MGAT4A: variants seen among roughly 807,000 people sequenced by gnomAD.
MGAT4A encodes alpha-1,3-mannosyl-glycoprotein 4-beta-N-acetylglucosaminyltransferase A.
MGAT4A carries 33 observed loss-of-function variants against 74.1 expected under a neutral mutation model. The observed-to-expected ratio is 0.45, with a 90% CI of 0.34 to 0.60. MGAT4A has a LOEUF of 0.60. MGAT4A is among the 20% of genes least tolerant of loss of function. The pLI is 0.02. For missense variants in MGAT4A, 479 were observed against 628.3 expected (o/e 0.76, Z 2.54); for synonymous variants, 198 against 210.4 (o/e 0.94, Z 0.51).
At chr2:98,679,084 G>A (rs1169420121) in intron 2 of MGAT4A, among the ~76,000 whole-genome samples, 1 of 152,120 alleles carries the variant, frequency 6.6e-6, no homozygotes, top group African/African-American at 2.4e-5. Context: ...AGGCCAAGGT[G>A]GAGGATGGCT....
chr2:98,656,287 A>T, intron 7 of MGAT4A, 65 bp downstream of exon 7: 1 of 1,148,134 alleles, frequency 8.7e-7, no homozygotes, highest in Non-Finnish European at 1.3e-6. Flanking sequence ...TTCGATAAAT[A>T]AAAACTACAT....
chr2:98,689,607 G>A (rs565076028), intron 2 of MGAT4A, among the ~76,000 whole-genome samples: 1 of 152,288 alleles, frequency 6.6e-6, no homozygotes, highest in Admixed American at 6.5e-5. Flanking sequence ...TGGATCACTT[G>A]AGCTCAGAAG....
intron 2 of MGAT4A, among the ~76,000 whole-genome samples, chr2:98,699,920 T>C (rs1702327432): frequency 6.6e-6 from 1 of 152,142 alleles, no homozygotes; most frequent in Non-Finnish European, 1.5e-5. Flanking sequence ...GTAGAGCACA[T>C]GGCCCACCAC....
intron 14 of MGAT4A, among the ~76,000 whole-genome samples, chr2:98,627,226 TAA>T: frequency 6.6e-6 from 1 of 152,320 alleles, no homozygotes; most frequent in South Asian, 2.1e-4. Flanking sequence ...GAGAAATGTA[TAA>T]AGAGCTTGAT....
At position 98,622,892 on chromosome 2, in the gene MGAT4A, A is replaced by C; in HGVS notation, c.*2674T>G. On this transcript the variant is annotated 3_prime_UTR_variant, in exon 16 of 16. Transcript: ENST00000393487. ...AAGGGGGCTGGACATGGTGGCACACACCTATAATCCCAGCACTTTGGGAGG... is the reference window on the plus strand; with the variant it reads ...AAGGGGGCTGGACATGGTGGCACACCCCTATAATCCCAGCACTTTGGGAGG... The C allele has an allele frequency of 2.0e-6, 2 of 985,828 alleles. No homozygotes were observed. Among genetic ancestry groups the C allele is most frequent in the Non-Finnish European group, 2.4e-6 (2 of 830,264 alleles). The allele number at this position is 985,828 out of a possible 1,614,324, so 61.1% of individuals were successfully genotyped here. A position where few individuals can be genotyped will look rare whatever the true frequency, so the allele number is the denominator to read the frequency against.
intron 2 of MGAT4A, among the ~76,000 whole-genome samples, chr2:98,690,701 A>G (rs957911951): frequency 1.3e-5 from 2 of 152,242 alleles, no homozygotes; most frequent in Non-Finnish European, 2.9e-5. Flanking sequence ...AGATGTTGAA[A>G]TTACCTTGTA....
intron 4 of MGAT4A, among the ~76,000 whole-genome samples, chr2:98,668,859 G>C (rs367775004): frequency 1.3e-5 from 2 of 152,220 alleles, no homozygotes; most frequent in African/African-American, 4.8e-5. Context: ...GGAACTTTGA[G>C]ATTTCACTGC....
chr2:98,688,830 C>A (rs1039700927), intron 2 of MGAT4A, among the ~76,000 whole-genome samples: 3 of 152,120 alleles, frequency 2.0e-5, no homozygotes, highest in African/African-American at 7.2e-5. Context: ...TCCTAGCCCA[C>A]AGAAAATAAG....
Position 98,665,542 on chromosome 2 carries a change from A to C in MGAT4A, c.404-2363T>G, listed in dbSNP as rs11891148. ...TTGCTCTATGAGACTCCGTCCCCCC[A>C]AAAAAAGATATTTGCTCTATTTGTT... On this transcript the variant is annotated intron_variant, in intron 4 of 15. Transcript: ENST00000393487. Among the ~76,000 whole-genome samples the C allele has an allele frequency of 8.7e-3, 1,331 of 152,234 alleles. 22 individuals carry two copies. The highest frequency in any genetic ancestry group is 0.03 in the African/African-American group (1,246 of 41,544).
At chr2:98,676,362 AG>A in intron 3 of MGAT4A, among the ~76,000 whole-genome samples, 1 of 152,350 alleles carries the variant, frequency 6.6e-6, no homozygotes, top group African/African-American at 2.4e-5. Context: ...TATTCAAAAC[AG>A]CAGCAAAAAC....
At chr2:98,686,907 A>T (rs1160440048) in intron 2 of MGAT4A, among the ~76,000 whole-genome samples, 1 of 152,194 alleles carries the variant, frequency 6.6e-6, no homozygotes, top group Non-Finnish European at 1.5e-5. Flanking sequence ...TTATAATAAT[A>T]AAATGAGGAA....
intron 2 of MGAT4A, among the ~76,000 whole-genome samples, chr2:98,691,802 T>C (rs1342753606): frequency 1.3e-5 from 2 of 152,190 alleles, no homozygotes; most frequent in Non-Finnish European, 2.9e-5. Context: ...TCATGTGTGT[T>C]ACCGCCCCTG....
intron 8 of MGAT4A, among the ~76,000 whole-genome samples, chr2:98,650,436 GAAT>G (rs1359190624): frequency 6.6e-6 from 1 of 152,050 alleles, no homozygotes; most frequent in Non-Finnish European, 1.5e-5. Flanking sequence ...ACACCAAGAA[GAAT>G]CATAATGAAG....
chr2:98,642,024 G>T (rs6741558), intron 10 of MGAT4A, among the ~76,000 whole-genome samples: 26,967 of 151,478 alleles, frequency 0.18, 2,592 homozygotes, highest in Middle Eastern at 0.24. Context: ...AATTTACACT[G>T]TAGAAGACTT....
intron 4 of MGAT4A, 44 bp downstream of exon 4, chr2:98,674,991 T>C: frequency 3.8e-6 from 6 of 1,587,118 alleles, no homozygotes; most frequent in Non-Finnish European, 5.1e-6. Context: ...AAAACACATT[T>C]AACAGCAGTA....
chr2:98,629,311 T>C (rs1488127157), intron 14 of MGAT4A, among the ~76,000 whole-genome samples: 1 of 152,224 alleles, frequency 6.6e-6, no homozygotes, highest in African/African-American at 2.4e-5. Context: ...ATTGTAAATG[T>C]TGAACCTATG....
rs1559165907 is a variant in MGAT4A, at chr2:98,675,037, C to T, written c.401G>A (p.Gly134Glu). The T allele has an allele frequency of 1.2e-6, 2 of 1,608,602 alleles. No homozygotes were observed. Among genetic ancestry groups the T allele is most frequent in the East Asian group, 2.2e-5 (1 of 44,788 alleles). The stretch of plus-strand genomic sequence containing the variant: ...AGTAAGAAACAAAATAAACATACCT[C>T]CTGTTCTTCCGTTGCCAATCTGTAC... ...PAVQIGNGRT[G>E]VSIVMGIPTV... The change falls in exon 4 of 16, where the codon GGA (glycine) becomes GAA (glutamate). Residue 134 changes from glycine (G) to glutamate (E), a missense_variant and splice_region_variant. By Grantham distance (98) the Gly-to-Glu change is moderately conservative. Coordinates refer to ENST00000393487, the MANE Select transcript of MGAT4A (RefSeq NM_012214.3).
chr2:98,675,601 C>T (rs928183440), intron 3 of MGAT4A, among the ~76,000 whole-genome samples: 6 of 150,714 alleles, frequency 4.0e-5, no homozygotes, highest in Admixed American at 6.6e-5. Flanking sequence ...GGCTGGTGTC[C>T]ACTGGCACAA....
intron 2 of MGAT4A, among the ~76,000 whole-genome samples, chr2:98,702,937 A>G (rs1449178478): frequency 6.6e-6 from 1 of 152,248 alleles, no homozygotes; most frequent in African/African-American, 2.4e-5. Flanking sequence ...CCAGAACTGC[A>G]TCAATATATT....
Sources: allele counts gnomAD v4.1 joint callset (sites outside exome capture counted in the v4.1 genomes callset), GRCh38; gene constraint gnomAD v4.1.1; transcripts MANE v1.5; gene names NCBI Gene and HGNC (gene_info 2026-07-23, HGNC 2026-07-21).